The following NWD2 variants were observed in gnomAD, a reference collection of about 807,000 sequenced individuals.
NWD2 encodes NACHT and WD repeat domain containing 2.
A neutral mutation model predicts 132.7 loss-of-function variants in NWD2; 37 were observed. That is an observed-to-expected ratio of 0.28 (90% CI 0.21 to 0.37). NWD2 has a LOEUF of 0.37. Ranked by LOEUF, NWD2 falls within the 10% of genes least tolerant of loss-of-function variation. The pLI is 1.00. For synonymous variants in NWD2, 705 were observed against 803.0 expected (o/e 0.88, Z 2.06); for missense variants, 1,592 against 2,122.4 (o/e 0.75, Z 4.91).
rs910077414 is a variant in NWD2, at chr4:37,446,988, A to G, written c.5000A>G (p.Asn1667Ser). The G allele has an allele frequency of 6.4e-7, 1 of 1,551,766 alleles. No homozygotes were observed. Among genetic ancestry groups the G allele is most frequent in the Non-Finnish European group, 8.7e-7 (1 of 1,147,002 alleles). Residue 1667 changes from asparagine to serine, a missense_variant, in exon 7 of 7, where the codon AAC becomes AGC. By Grantham distance (46) the Asn-to-Ser change is conservative. Coordinates refer to ENST00000309447, the MANE Select transcript of NWD2 (RefSeq NM_001144990.2). This position sits in a 1 kb window ranked among gnomAD's most constrained non-coding sequence, Gnocchi z 6.7. Reference protein sequence around the residue: ...IATSNSRQIFNNATHTSRPKC... With the variant: ...IATSNSRQIFSNATHTSRPKC... ...ACTTCAAATAGCAGACAAATTTTCA[A>G]CAATGCAACACACACCTCCAGGCCA...
rs1380040310 is a variant in NWD2 at position 37,449,320 on chromosome 4, CCAAT to C, written c.*2106_*2109del. ...ACTTTGTATCGTTGGGAAGAATTAC[CCAAT>C]CAGAGATTTATATTTTCATAAATGT... On this transcript the variant is annotated 3_prime_UTR_variant, in exon 7 of 7. Coordinates refer to ENST00000309447, the MANE Select transcript of NWD2 (RefSeq NM_001144990.2). 12 of 152,172 alleles carry C rather than the reference CCAAT, an allele frequency of 7.9e-5. No individual in the cohort carries two copies. In the East Asian group the frequency reaches 2.1e-3, roughly 27 times the overall value. 9.4% of individuals were successfully genotyped at this position (152,172 alleles called of 1,614,324 possible).
intron 3 of NWD2, among the ~76,000 whole-genome samples, chr4:37,429,313 G>A (rs1712104948): frequency 6.6e-6 from 1 of 151,526 alleles, no homozygotes; most frequent in Non-Finnish European, 1.5e-5. Context: ...AAAATCACTG[G>A]AATCATCTTT....
intron 3 of NWD2, among the ~76,000 whole-genome samples, chr4:37,400,818 A>G (rs1720883298): frequency 6.6e-6 from 1 of 152,224 alleles, no homozygotes; most frequent in Non-Finnish European, 1.5e-5. Flanking sequence ...TTCTTACGTT[A>G]TGCTTAAACG....
intron 1 of NWD2, among the ~76,000 whole-genome samples, chr4:37,250,845 A>G (rs1717343003): frequency 1.3e-5 from 2 of 152,238 alleles, no homozygotes; most frequent in South Asian, 4.1e-4. Flanking sequence ...ACCGTTTACT[A>G]TACACGTAGG....
intron 1 of NWD2, among the ~76,000 whole-genome samples, chr4:37,318,297 A>G (rs1718999717): frequency 6.6e-6 from 1 of 152,154 alleles, no homozygotes; most frequent in Admixed American, 6.5e-5. Context: ...AAGTGCTGGG[A>G]TTACAGGCAT....
intron 3 of NWD2, among the ~76,000 whole-genome samples, chr4:37,413,341 A>G (rs773718416): frequency 1.1e-3 from 168 of 152,342 alleles, no homozygotes; most frequent in Non-Finnish European, 2.0e-3. Flanking sequence ...AAAAGAAGAC[A>G]TTTATGCAGC....
chr4:37,333,710 TC>T (rs1719339678), intron 2 of NWD2, among the ~76,000 whole-genome samples: 1 of 152,006 alleles, frequency 6.6e-6, no homozygotes, highest in Admixed American at 6.6e-5. Context: ...AAACATGATC[TC>T]CCCAAATGAG....
At chr4:37,434,192 A>G (rs1467885313) in intron 5 of NWD2, among the ~76,000 whole-genome samples, 172 bp downstream of exon 5, 1 of 152,220 alleles carries the variant, frequency 6.6e-6, no homozygotes, top group Non-Finnish European at 1.5e-5. Context: ...TAATTATAGA[A>G]AAGCCTTCCC....
At chr4:37,393,028 G>A (rs1485490469) in intron 3 of NWD2, among the ~76,000 whole-genome samples, 2 of 152,168 alleles carry the variant, frequency 1.3e-5, no homozygotes, top group African/African-American at 2.4e-5. Flanking sequence ...AGTGAACAGC[G>A]CCTGGGAGCA....
intron 1 of NWD2, among the ~76,000 whole-genome samples, chr4:37,287,109 A>C (rs1343872914): frequency 6.6e-6 from 1 of 152,210 alleles, no homozygotes; most frequent in Non-Finnish European, 1.5e-5. Context: ...GCACAGAGTG[A>C]GTATGCTACC....
intron 2 of NWD2, among the ~76,000 whole-genome samples, chr4:37,337,607 A>C (rs1192247929): frequency 6.6e-6 from 1 of 152,150 alleles, no homozygotes; most frequent in African/African-American, 2.4e-5. Context: ...TCAGCTCTTC[A>C]TTGCTGAGGT....
intron 1 of NWD2, among the ~76,000 whole-genome samples, chr4:37,314,823 T>C (rs998022764): frequency 5.9e-5 from 9 of 152,172 alleles, no homozygotes; most frequent in African/African-American, 1.9e-4. Flanking sequence ...GTTCAGTTTG[T>C]TTAAATTTTC....
chr4:37,306,341 T>G (rs149418515), intron 1 of NWD2, among the ~76,000 whole-genome samples: 3 of 152,260 alleles, frequency 2.0e-5, no homozygotes, highest in Non-Finnish European at 4.4e-5. Context: ...TGATCTTTAT[T>G]ATTTCCTTTA....
At chr4:37,428,614 T>C (rs1712070110) in intron 3 of NWD2, among the ~76,000 whole-genome samples, 1 of 152,248 alleles carries the variant, frequency 6.6e-6, no homozygotes, top group South Asian at 2.1e-4. Flanking sequence ...CTTGAGAATT[T>C]ACATGTTCCC....
At chr4:37,283,120 G>A (rs1237617865) in intron 1 of NWD2, among the ~76,000 whole-genome samples, 1 of 152,116 alleles carries the variant, frequency 6.6e-6, no homozygotes, top group African/African-American at 2.4e-5. Flanking sequence ...AACTCACCAT[G>A]ATTTCTACTG....
At chr4:37,353,466 A>G (rs2109299680) in intron 2 of NWD2, among the ~76,000 whole-genome samples, 2 of 152,178 alleles carry the variant, frequency 1.3e-5, no homozygotes, top group Middle Eastern at 6.8e-3. Context: ...TCTCCCTGTC[A>G]CTTTTCAGAT....
At chr4:37,360,424 A>T (rs1304397105) in intron 3 of NWD2, among the ~76,000 whole-genome samples, 3 of 152,176 alleles carry the variant, frequency 2.0e-5, no homozygotes, top group Admixed American at 2.0e-4. Flanking sequence ...ATTCATTCTT[A>T]TGTGTATATT....
chr4:37,369,406 C>A (rs1277795053), intron 3 of NWD2, among the ~76,000 whole-genome samples: 1 of 151,996 alleles, frequency 6.6e-6, no homozygotes, highest in African/African-American at 2.4e-5. Flanking sequence ...CATCCCTCAC[C>A]CTTCTCCCCC....
rs182790785 is a variant in NWD2, at chr4:37,410,393, C to T, written c.358-20179C>T. On this transcript the variant is annotated intron_variant, in intron 3 of 6. Transcript: ENST00000309447. ...AAACACACTTTAAACCAACAAAGAA[C>T]GAAAGAGAAAAAGCCATTACATAAT... Among the ~76,000 whole-genome samples, 457 of 152,004 alleles carry T rather than the reference C, an allele frequency of 3.0e-3. 2 individuals carry two copies. Among genetic ancestry groups the T allele is most frequent in the African/African-American group, 0.01 (429 of 41,446 alleles).
Sources: gnomAD v4.1 joint callset for allele counts (sites outside exome capture counted in the v4.1 genomes callset) on GRCh38, gnomAD v4.1.1 for gene constraint, Gnocchi (gnomAD v3.1) non-coding constraint, MANE v1.5 for transcripts, NCBI Gene and HGNC (gene_info 2026-07-23, HGNC 2026-07-21) for gene names.